The following MTRF1 variants were observed in gnomAD, a reference collection of about 807,000 sequenced individuals.
The protein encoded by MTRF1 is mitochondrial translation release factor 1.
In MTRF1, 51 loss-of-function variants were observed where a neutral mutation model predicts 62.9. The ratio of observed to expected loss-of-function variants is 0.81; its 90% CI spans 0.65 to 1.02. The LOEUF (loss-of-function observed/expected upper bound fraction) is 1.02, where lower values mean the gene tolerates loss of function less well. MTRF1 is among the 50% of genes least tolerant of loss of function. The probability of loss-of-function intolerance (pLI) is 0.00; values close to 1 mark genes in which losing one functional copy is unlikely to be tolerated. For missense variants in MTRF1, 446 were observed against 530.0 expected, an observed-to-expected ratio of 0.84 and a Z score of 1.56; for synonymous variants, 158 against 181.9, an observed-to-expected ratio of 0.87 and a Z score of 1.06.
At chr13:41,258,463 T>TA (rs534822462) in intron 2 of MTRF1, among the ~76,000 whole-genome samples, 6 of 147,118 alleles carry the variant, frequency 4.1e-5, no homozygotes, top group Non-Finnish European at 9.0e-5. Context: ...AATACTAAAA[T>TA]AAAAAACTAA....
rs2039480705 is a variant in MTRF1, at chr13:41,254,561, T to C, written c.475A>G (p.Ile159Val). ...TACAACATGTTGATTTTTTGATCAA[T>C]GGTTTGCCTTTCTTCCAGTGCAAGT... Reference protein sequence around the residue: ...QELALEERQTIDQKINMLYNE... With the variant: ...QELALEERQTVDQKINMLYNE... Residue 159 changes from isoleucine (I) to valine (V), a missense_variant, in exon 3 of 10, where the codon ATT becomes GTT. Ile to Val is a conservative substitution (Grantham distance 29). Coordinates refer to ENST00000379480, the MANE Select transcript of MTRF1 (RefSeq NM_004294.4). The C allele has an allele frequency of 2.5e-6, 4 of 1,613,758 alleles. No individual in the cohort carries two copies. In the East Asian group the frequency reaches 8.9e-5, roughly 36 times the overall value.
At chr13:41,289,105 G>A in the MTRF1 span, among the ~76,000 whole-genome samples, 1 of 152,038 alleles carries the variant, frequency 6.6e-6, no homozygotes, top group Admixed American at 6.6e-5. Flanking sequence ...CTCGATGAGT[G>A]AGTGCCTCAT....
At chr13:41,302,973 TG>T in the MTRF1 span, among the ~76,000 whole-genome samples, 1 of 152,100 alleles carries the variant, frequency 6.6e-6, no homozygotes, top group Non-Finnish European at 1.5e-5. Context: ...CTTGAGTAGG[TG>T]GAACCTGTAA....
intron 5 of MTRF1, among the ~76,000 whole-genome samples, chr13:41,240,851 T>C (rs1188615567): frequency 6.6e-6 from 1 of 152,230 alleles, no homozygotes; most frequent in Non-Finnish European, 1.5e-5. Context: ...GTTTTCTGTA[T>C]TGAACTACCC....
At chr13:41,258,165 G>C (rs563271251) in intron 2 of MTRF1, among the ~76,000 whole-genome samples, 1 of 152,254 alleles carries the variant, frequency 6.6e-6, no homozygotes, top group African/African-American at 2.4e-5. Flanking sequence ...TTAAACGTAC[G>C]TAAGAGACTT....
chr13:41,283,090 C>G, the MTRF1 span, among the ~76,000 whole-genome samples: 1 of 152,214 alleles, frequency 6.6e-6, no homozygotes, highest in Admixed American at 6.5e-5. Context: ...AACTGCCATT[C>G]ACAAGCTAAG....
chr13:41,248,439 C>G (rs151053434), intron 5 of MTRF1, among the ~76,000 whole-genome samples: 122 of 152,304 alleles, frequency 8.0e-4, no homozygotes, highest in African/African-American at 2.8e-3. Context: ...TCTATTTTGA[C>G]TCTGCTGTCT....
chr13:41,287,359 G>A, the MTRF1 span, among the ~76,000 whole-genome samples: 4 of 152,202 alleles, frequency 2.6e-5, no homozygotes, highest in Non-Finnish European at 4.4e-5. Flanking sequence ...CAGATCTCGT[G>A]TGAACTCAGA....
intron 8 of MTRF1, among the ~76,000 whole-genome samples, chr13:41,226,114 G>A (rs974142234): frequency 1.3e-5 from 2 of 152,086 alleles, no homozygotes; most frequent in Admixed American, 6.5e-5. Flanking sequence ...AATAAAAAAC[G>A]TTCTTAATTC....
intron 7 of MTRF1, chr13:41,229,047 G>A (rs1331947759): frequency 6.6e-6 from 1 of 152,240 alleles, no homozygotes; most frequent in Non-Finnish European, 1.5e-5. Context: ...ATAAGGGTTA[G>A]GTCTTGACAT....
At chr13:41,261,738 G>C in intron 1 of MTRF1, 1 of 951,942 alleles carries the variant, frequency 1.1e-6, no homozygotes, top group Non-Finnish European at 1.3e-6. Context: ...GCTGGTATTA[G>C]AATGTAAGTT....
chr13:41,275,401 C>A, the MTRF1 span, among the ~76,000 whole-genome samples: 2 of 151,984 alleles, frequency 1.3e-5, no homozygotes, highest in Non-Finnish European at 2.9e-5. Flanking sequence ...GGGGTTTCAC[C>A]ATGTTAGCCA....
At chr13:41,220,985 G>A (rs1443250106) in intron 9 of MTRF1, among the ~76,000 whole-genome samples, 1 of 152,142 alleles carries the variant, frequency 6.6e-6, no homozygotes, top group African/African-American at 2.4e-5. Flanking sequence ...TGTGGATGTG[G>A]TACGAAGGGC....
chr13:41,300,030 T>C, the MTRF1 span, among the ~76,000 whole-genome samples: 10 of 152,342 alleles, frequency 6.6e-5, no homozygotes, highest in South Asian at 6.2e-4. Flanking sequence ...CAGAGATCGT[T>C]GTTGACTCCA....
chr13:41,309,949 T>G, the MTRF1 span, among the ~76,000 whole-genome samples: 1 of 152,150 alleles, frequency 6.6e-6, no homozygotes, highest in Non-Finnish European at 1.5e-5. Context: ...GGAGCTGAGA[T>G]AGCGCCATTG....
the MTRF1 span, chr13:41,287,975 A>G: frequency 2.5e-6 from 1 of 392,542 alleles, no homozygotes; most frequent in South Asian, 2.2e-5. Context: ...GATCAAGTTT[A>G]CTTCCCACAA....
the MTRF1 span, among the ~76,000 whole-genome samples, chr13:41,307,322 G>T: frequency 6.6e-6 from 1 of 152,174 alleles, no homozygotes; most frequent in African/African-American, 2.4e-5. Context: ...TCACGATCTA[G>T]TTGTTTAAAA....
chr13:41,222,895 T>G (rs1048655995), intron 9 of MTRF1, among the ~76,000 whole-genome samples: 1 of 152,296 alleles, frequency 6.6e-6, no homozygotes, highest in East Asian at 1.9e-4. Context: ...ACAGAAATCA[T>G]GAGATAATAC....
intron 5 of MTRF1, among the ~76,000 whole-genome samples, chr13:41,243,530 C>T (rs1593864739): frequency 1.3e-5 from 2 of 152,148 alleles, no homozygotes; most frequent in East Asian, 3.9e-4. Flanking sequence ...ACTCTGGGCT[C>T]AGGGAACTGG....
Sources: allele counts gnomAD v4.1 joint callset (sites outside exome capture counted in the v4.1 genomes callset), GRCh38; gene constraint gnomAD v4.1.1; transcripts MANE v1.5; gene names NCBI Gene and HGNC (gene_info 2026-07-23, HGNC 2026-07-21).